Variants in AUTS2 observed in about 807,000 individuals in gnomAD.
AUTS2 encodes autism susceptibility gene 2 protein.
AUTS2 carries 17 observed loss-of-function variants against 112.4 expected under a neutral mutation model. That is an observed-to-expected ratio of 0.15 (90% CI 0.10 to 0.23). The LOEUF is 0.23. Among genes scored for constraint, AUTS2 ranks in the 10% least tolerant of loss-of-function variants. The pLI is 1.00. For missense variants in AUTS2, 1,510 were observed against 1,701.6 expected, an observed-to-expected ratio of 0.89 and a Z score of 1.98; for synonymous variants, 751 against 702.7, an observed-to-expected ratio of 1.07 and a Z score of -1.09.
intron 14 of AUTS2, 134 bp from the exon 15 acceptor site, chr7:70,781,481 A>G (rs2129559931): frequency 9.3e-7 from 1 of 1,079,592 alleles, no homozygotes; most frequent in Admixed American, 2.7e-5. Flanking sequence ...GTTTTTGTGT[A>G]GCTGCTTTCT....
intron 4 of AUTS2, among the ~76,000 whole-genome samples, chr7:70,336,541 G>A (rs1790998409): frequency 6.6e-6 from 1 of 152,184 alleles, no homozygotes; most frequent in Non-Finnish European, 1.5e-5. Context: ...GGCAGTGGTA[G>A]TGAGTTTAGT....
At chr7:70,625,196 A>T (rs1363931288) in intron 5 of AUTS2, among the ~76,000 whole-genome samples, 1 of 152,126 alleles carries the variant, frequency 6.6e-6, no homozygotes, top group Non-Finnish European at 1.5e-5. Flanking sequence ...CATTTTATCC[A>T]ACTAGGGGGT....
intron 1 of AUTS2, among the ~76,000 whole-genome samples, chr7:69,794,470 C>A (rs182913830): frequency 2.0e-5 from 3 of 152,290 alleles, no homozygotes; most frequent in Admixed American, 1.3e-4. Flanking sequence ...TGTGTTCTTG[C>A]AGCTGCATTC....
At chr7:70,492,313 C>T (rs1347934875) in intron 5 of AUTS2, among the ~76,000 whole-genome samples, 4 of 144,708 alleles carry the variant, frequency 2.8e-5, no homozygotes, top group South Asian at 2.2e-4. Flanking sequence ...CCACCACTCC[C>T]GTCAGGTCCT....
intron 1 of AUTS2, among the ~76,000 whole-genome samples, chr7:69,720,420 C>G (rs1258804694): frequency 6.6e-6 from 1 of 152,148 alleles, no homozygotes; most frequent in African/African-American, 2.4e-5. Context: ...TGTACTTCAC[C>G]TGACCTAATG....
intron 2 of AUTS2, among the ~76,000 whole-genome samples, chr7:70,002,662 C>G (rs1463925098): frequency 6.6e-6 from 1 of 152,134 alleles, no homozygotes; most frequent in Admixed American, 6.6e-5. Context: ...ACGACACTTA[C>G]AGTGAGTCAG....
intron 5 of AUTS2, among the ~76,000 whole-genome samples, chr7:70,599,640 G>A (rs566956589): frequency 3.0e-4 from 45 of 152,308 alleles, no homozygotes; most frequent in Admixed American, 1.2e-3. Context: ...AGCCAGTGGC[G>A]TATTTATTAA....
At chr7:70,371,810 A>G (rs1387981909) in intron 4 of AUTS2, among the ~76,000 whole-genome samples, 2 of 152,122 alleles carry the variant, frequency 1.3e-5, no homozygotes, top group African/African-American at 4.8e-5. Flanking sequence ...GGTTGTGTTG[A>G]TTTGAACACG....
intron 5 of AUTS2, among the ~76,000 whole-genome samples, chr7:70,554,199 G>A (rs1246118918): frequency 1.3e-5 from 2 of 151,136 alleles, no homozygotes; most frequent in Admixed American, 1.3e-4. Context: ...CTCCCAAGTA[G>A]CTGGGATTAC....
At chr7:69,690,212 G>A (rs1797266146) in intron 1 of AUTS2, among the ~76,000 whole-genome samples, 1 of 152,188 alleles carries the variant, frequency 6.6e-6, no homozygotes, top group African/African-American at 2.4e-5. Context: ...CTTAGTAGTT[G>A]ACTAATAAAT....
intron 1 of AUTS2, among the ~76,000 whole-genome samples, chr7:69,896,942 C>T (rs931043150): frequency 2.6e-5 from 4 of 152,220 alleles, no homozygotes; most frequent in Non-Finnish European, 4.4e-5. Context: ...CACCCATAAC[C>T]TATCCTTTAG....
At chr7:69,915,321 T>A (rs777996897) in intron 2 of AUTS2, among the ~76,000 whole-genome samples, 3 of 152,226 alleles carry the variant, frequency 2.0e-5, no homozygotes, top group Admixed American at 6.5e-5. Flanking sequence ...CGGCAAATGT[T>A]GGAAATAGTA....
intron 1 of AUTS2, among the ~76,000 whole-genome samples, chr7:69,708,830 CT>C (rs2129198424): frequency 6.6e-6 from 1 of 152,268 alleles, no homozygotes; most frequent in African/African-American, 2.4e-5. Flanking sequence ...TTGAGAACCT[CT>C]TGAGAAAATC....
intron 9 of AUTS2, 69 bp from the exon 10 acceptor site, chr7:70,767,955 C>G: frequency 1.3e-6 from 2 of 1,488,842 alleles, no homozygotes; most frequent in Non-Finnish European, 1.9e-6. Flanking sequence ...CTTTGTAGGG[C>G]CACCTCCACT....
At chr7:69,754,901 C>A (rs556897541) in intron 1 of AUTS2, among the ~76,000 whole-genome samples, 5 of 152,154 alleles carry the variant, frequency 3.3e-5, no homozygotes, top group Admixed American at 6.5e-5. Context: ...CATCCAACTC[C>A]AAGTCCTTTC....
At chr7:69,750,256 C>T (rs1470429085) in intron 1 of AUTS2, among the ~76,000 whole-genome samples, 4 of 151,786 alleles carry the variant, frequency 2.6e-5, no homozygotes, top group East Asian at 3.9e-4. Context: ...TCTCAAGTTT[C>T]GATTTGAAGG....
At chr7:69,679,103 G>A (rs925381169) in intron 1 of AUTS2, among the ~76,000 whole-genome samples, 1 of 152,162 alleles carries the variant, frequency 6.6e-6, no homozygotes, top group African/African-American at 2.4e-5. Flanking sequence ...ATCAGGTGTT[G>A]GATTTTTTAA....
At chr7:69,918,076 C>G (rs1165161462) in intron 2 of AUTS2, among the ~76,000 whole-genome samples, 1 of 151,970 alleles carries the variant, frequency 6.6e-6, no homozygotes, top group Non-Finnish European at 1.5e-5. Context: ...TTCCTGACCT[C>G]GTGATCCACC....
intron 1 of AUTS2, among the ~76,000 whole-genome samples, chr7:69,829,431 G>T (rs1246723494): frequency 1.3e-5 from 2 of 152,218 alleles, no homozygotes; most frequent in Non-Finnish European, 1.5e-5. Context: ...CACAACAAAA[G>T]AAACTATCAT....
Sources: gnomAD v4.1 joint callset for allele counts (sites outside exome capture counted in the v4.1 genomes callset) on GRCh38, gnomAD v4.1.1 for gene constraint, MANE v1.5 for transcripts, NCBI Gene and HGNC (gene_info 2026-07-23, HGNC 2026-07-21) for gene names.